Variants in ARSK observed in about 807,000 individuals in gnomAD.
The protein encoded by ARSK is arylsulfatase K.
ARSK carries 37 observed loss-of-function variants against 53.2 expected under a neutral mutation model. The ratio of observed to expected loss-of-function variants is 0.70; its 90% CI spans 0.54 to 0.92. The LOEUF is 0.92. ARSK is among the 40% of genes least tolerant of loss of function. ARSK has a pLI of 0.00. For missense variants in ARSK, 613 were observed against 643.0 expected, an observed-to-expected ratio of 0.95 and a Z score of 0.51; for synonymous variants, 208 against 223.2, an observed-to-expected ratio of 0.93 and a Z score of 0.61.
At chr5:95,572,997 A>G (rs1401168065) in intron 3 of ARSK, among the ~76,000 whole-genome samples, 1 of 152,124 alleles carries the variant, frequency 6.6e-6, no homozygotes, top group African/African-American at 2.4e-5. Flanking sequence ...GTAGAGGCCA[A>G]GGTTGCTGCT....
intron 3 of ARSK, among the ~76,000 whole-genome samples, chr5:95,572,577 T>C (rs1198239828): frequency 6.6e-6 from 1 of 152,076 alleles, no homozygotes; most frequent in Non-Finnish European, 1.5e-5. Flanking sequence ...AGGAGATTGA[T>C]ACCATCTTGG....
Position 95,555,251 on chromosome 5 carries a change from C to G in ARSK, c.-28C>G. 6.4e-7 allele frequency: 1 copy of G among 1,569,396 alleles called. No individual in the cohort carries two copies. Among genetic ancestry groups the G allele is most frequent in the Non-Finnish European group, 8.6e-7 (1 of 1,160,878 alleles). On this transcript the variant is annotated 5_prime_UTR_variant, in exon 1 of 8. Transcript: ENST00000380009. This position sits in a 1 kb window ranked among gnomAD's most constrained non-coding sequence, Gnocchi z 4.0. ...CGCCAGAGGGAGGCGGCTGGCCCGG[C>G]GGCAGGCTCTCAGAACCGCTACCGG...
At chr5:95,557,004 C>T (rs1313931309) in intron 1 of ARSK, 1 of 147,932 alleles carries the variant, frequency 6.8e-6, no homozygotes, top group Non-Finnish European at 1.5e-5. Flanking sequence ...AGCGAGAGTC[C>T]GTCTCGAAAA....
intron 3 of ARSK, among the ~76,000 whole-genome samples, chr5:95,578,926 T>C (rs1420687122): frequency 2.0e-5 from 3 of 152,232 alleles, no homozygotes; most frequent in South Asian, 2.1e-4. Flanking sequence ...AATTAGTTGG[T>C]AATGTGTTAA....
At chr5:95,598,696 T>A (rs990867643) in intron 6 of ARSK, among the ~76,000 whole-genome samples, 3 of 152,214 alleles carry the variant, frequency 2.0e-5, no homozygotes, top group African/African-American at 7.2e-5. Flanking sequence ...TTCAGTGTCT[T>A]TAATTAGGCT....
chr5:95,567,706 A>G (rs1046225517), intron 2 of ARSK, among the ~76,000 whole-genome samples, 184 bp from the exon 3 acceptor site: 15 of 152,194 alleles, frequency 9.9e-5, no homozygotes, highest in Admixed American at 8.5e-4. Context: ...GTAACTCCCC[A>G]CAGAGTATCA....
At chr5:95,583,431 C>T (rs1749056504) in intron 4 of ARSK, among the ~76,000 whole-genome samples, 1 of 152,074 alleles carries the variant, frequency 6.6e-6, no homozygotes, top group South Asian at 2.1e-4. Flanking sequence ...TGTCTATAAA[C>T]AGAGAAACTA....
intron 5 of ARSK, among the ~76,000 whole-genome samples, chr5:95,587,065 G>A (rs1299468582): frequency 2.0e-5 from 3 of 152,180 alleles, no homozygotes. Flanking sequence ...ATTGGTAATT[G>A]TAAGGCAGCT....
chr5:95,595,984 C>A (rs1749301982), intron 6 of ARSK, among the ~76,000 whole-genome samples: 1 of 152,086 alleles, frequency 6.6e-6, no homozygotes. Flanking sequence ...AATTTACTGT[C>A]CAAATTAGCA....
Position 95,555,396 on chromosome 5 carries a change from G to A in ARSK, c.118G>A (p.Asp40Asn). 2 of 1,605,708 alleles carry A rather than the reference G, an allele frequency of 1.2e-6. No homozygotes were observed. Among genetic ancestry groups the A allele is most frequent in the East Asian group, 4.5e-5 (2 of 44,560 alleles). ...KAPNVVLVVSDSFDGRLTFHP... is the reference protein window; with the variant it reads ...KAPNVVLVVSNSFDGRLTFHP... The stretch of plus-strand genomic sequence containing the variant: ...GCCCAATGTGGTGCTGGTCGTGAGC[G>A]ACTCCTTCGTAAGTACCGCGAGGCA... The change falls in exon 1 of 8, where the codon GAC becomes AAC. Residue 40 changes from aspartate (D) to asparagine (N), a missense_variant. Asp to Asn is a conservative substitution (Grantham distance 23). Transcript: ENST00000380009. The surrounding 1 kb of genome is among the most constrained non-coding windows in gnomAD (Gnocchi z 4.0).
rs142353298 is a variant in ARSK at position 95,583,166 on chromosome 5, A to G, written c.667A>G (p.Thr223Ala). ...PSSGENFGSS[T>A]FHTSLYWLEK... ...TTCTGGAGAAAATTTTGGATCTTCA[A>G]CATTTCACACATCTCTTTATTGGCT... The change falls in exon 4 of 8, where the codon ACA (threonine) becomes GCA (alanine). Residue 223 changes from threonine to alanine, a missense_variant. Thr to Ala is a moderately conservative substitution (Grantham distance 58). Transcript: ENST00000380009. The G allele has an allele frequency of 8.8e-5, 140 of 1,590,676 alleles. No individual in the cohort carries two copies. Among genetic ancestry groups the G allele is most frequent in the East Asian group, 2.2e-4 (10 of 44,602 alleles).
At chr5:95,575,581 T>A (rs2112425693) in intron 3 of ARSK, among the ~76,000 whole-genome samples, 1 of 152,310 alleles carries the variant, frequency 6.6e-6, no homozygotes, top group Non-Finnish European at 1.5e-5. Flanking sequence ...ATTGTAGAGA[T>A]CTTTTACTTC....
intron 4 of ARSK, among the ~76,000 whole-genome samples, chr5:95,585,786 G>T (rs1047127684): frequency 6.6e-6 from 1 of 151,974 alleles, no homozygotes; most frequent in Non-Finnish European, 1.5e-5. Context: ...ATGCAACCAC[G>T]CCTGTTCCCC....
At chr5:95,594,648 T>A (rs1375213606) in intron 6 of ARSK, among the ~76,000 whole-genome samples, 1 of 152,190 alleles carries the variant, frequency 6.6e-6, no homozygotes, top group Admixed American at 6.5e-5. Flanking sequence ...GAGACTGTCC[T>A]GGCTAACATG....
chr5:95,600,345 T>C (rs376466571), intron 6 of ARSK, among the ~76,000 whole-genome samples: 2 of 152,216 alleles, frequency 1.3e-5, no homozygotes, highest in Admixed American at 6.5e-5. Flanking sequence ...AACAAACTTA[T>C]GTATTTAATT....
At position 95,603,306 on chromosome 5, in the gene ARSK, A is replaced by G. The variant is rs756302619; in HGVS notation, c.1391A>G (p.Asp464Gly). 6.2e-7 allele frequency: 1 copy of G among 1,607,588 alleles called. No individual in the cohort carries two copies. The highest frequency in any genetic ancestry group is 1.7e-5 in the Admixed American group (1 of 59,378). The change falls in exon 8 of 8, where the codon GAT (aspartate) becomes GGT (glycine). Residue 464 changes from aspartate to glycine, a missense_variant. By Grantham distance (94) the Asp-to-Gly change is moderately conservative (BLOSUM62 -1). Coordinates refer to ENST00000380009, the MANE Select transcript of ARSK (RefSeq NM_198150.3). ...TTTCCAGAAATTACTTATTCTTTGG[A>G]TCAGAAGCTTCATTCCATTATAAAC... Reference protein sequence around the residue: ...VKFPEITYSLDQKLHSIINYP... With the variant: ...VKFPEITYSLGQKLHSIINYP...
At position 95,566,008 on chromosome 5, in the gene ARSK, TAA is replaced by T. The variant is rs753619415; in HGVS notation, c.138_139del (p.Leu46PhefsTer55). Reference sequence around the variant, plus strand: ...TTTCTTTATTTCCAGGATGGAAGGTTAACATTTCATCCAGGAAGTCAGGTAGT... The same window carrying T: ...TTTCTTTATTTCCAGGATGGAAGGTTCATTTCATCCAGGAAGTCAGGTAGT... On this transcript the variant is annotated frameshift_variant, in exon 2 of 8. Coordinates refer to ENST00000380009, the MANE Select transcript of ARSK (RefSeq NM_198150.3). LOFTEE classifies it high-confidence loss of function. The T allele has an allele frequency of 6.2e-7, 1 of 1,610,832 alleles. No homozygotes were observed. The highest frequency in any genetic ancestry group is 1.7e-5 in the Admixed American group (1 of 59,452).
intron 1 of ARSK, among the ~76,000 whole-genome samples, chr5:95,561,488 C>A (rs924803624): frequency 5.9e-5 from 9 of 152,156 alleles, no homozygotes; most frequent in African/African-American, 1.7e-4. Flanking sequence ...GTTCATTATA[C>A]ATAATGGCCA....
rs1205423690 is a variant in ARSK at position 95,603,822 on chromosome 5, G to C, written c.*296G>C. 6.1e-6 allele frequency: 1 copy of C among 163,886 alleles called. No individual in the cohort carries two copies. Among genetic ancestry groups the C allele is most frequent in the African/African-American group, 2.4e-5 (1 of 41,882 alleles). The allele number at this position is 163,886 out of a possible 1,614,324, so 10.2% of individuals were successfully genotyped here. On this transcript the variant is annotated 3_prime_UTR_variant, in exon 8 of 8. Transcript: ENST00000380009. ...ACTCAGAGGCTGAGGCAGGAGGATC[G>C]CTTGAACCCGGGAGGCAGCAGTTGC...
Sources: gnomAD v4.1 joint callset for allele counts (sites outside exome capture counted in the v4.1 genomes callset) on GRCh38, gnomAD v4.1.1 for gene constraint, Gnocchi (gnomAD v3.1) non-coding constraint, MANE v1.5 for transcripts, NCBI Gene and HGNC (gene_info 2026-07-23, HGNC 2026-07-21) for gene names.